MCTP1: variants seen among roughly 807,000 people sequenced by gnomAD.
The protein encoded by MCTP1 is multiple C2 and transmembrane domain-containing protein 1.
MCTP1 carries 69 observed loss-of-function variants against 120.6 expected under a neutral mutation model. The observed-to-expected ratio is 0.57, with a 90% CI of 0.47 to 0.70. The LOEUF (loss-of-function observed/expected upper bound fraction) is 0.70, where lower values mean the gene tolerates loss of function less well. Ranked by LOEUF, MCTP1 falls within the 30% of genes least tolerant of loss-of-function variation. The probability of loss-of-function intolerance (pLI) is 0.00; values close to 1 mark genes in which losing one functional copy is unlikely to be tolerated. For missense variants in MCTP1, 1,203 were observed against 1,248.8 expected (o/e 0.96, Z 0.55); for synonymous variants, 529 against 493.1 (o/e 1.07, Z -0.96).
chr5:94,779,389 G>A (rs900849118), intron 18 of MCTP1, among the ~76,000 whole-genome samples: 1 of 152,152 alleles, frequency 6.6e-6, no homozygotes, highest in Non-Finnish European at 1.5e-5. Context: ...GAAATGTTTT[G>A]TGACAACCTA....
chr5:94,708,386 T>C (rs1755432985), intron 22 of MCTP1, 126 bp downstream of exon 22: 1 of 582,590 alleles, frequency 1.7e-6, no homozygotes, highest in Admixed American at 3.1e-5. Flanking sequence ...TAAAATCTGC[T>C]ACACAGGCTT....
Position 94,873,130 on chromosome 5 carries a change from C to T in MCTP1, c.2036+9G>A, listed in dbSNP as rs1364815794. The T allele has an allele frequency of 6.8e-7, 1 of 1,475,030 alleles. No homozygotes were observed. The highest frequency in any genetic ancestry group is 9.5e-7 in the Non-Finnish European group (1 of 1,056,206). The allele number at this position is 1,475,030 out of a possible 1,614,324, so 91.4% of individuals were successfully genotyped here. Reference sequence around the variant, plus strand: ...TTTGGATTCAGAGCCCAAAGAAATGCCTACTTACAACGTGAAGACTTTATT... The same window carrying T: ...TTTGGATTCAGAGCCCAAAGAAATGTCTACTTACAACGTGAAGACTTTATT... On this transcript the variant is annotated intron_variant, in intron 13 of 22. Transcript: ENST00000515393.
chr5:95,030,140 T>C lies in MCTP1; in HGVS notation c.721-12656A>G, dbSNP rs1840009915. Among the ~76,000 whole-genome samples, 2 of 152,142 alleles carry C rather than the reference T, an allele frequency of 1.3e-5. 1 individual carries two copies. Among genetic ancestry groups the C allele is most frequent in the African/African-American group, 4.8e-5 (2 of 41,424 alleles). ...AGTGGGGAACCAAAGGACAAAGTCT[T>C]TGTGAACCGGAAGTCATGAACCCTG... On this transcript the variant is annotated intron_variant, in intron 1 of 22. Coordinates refer to ENST00000515393, the MANE Select transcript of MCTP1 (RefSeq NM_024717.7).
chr5:94,899,249 A>C (rs887855831), intron 10 of MCTP1, among the ~76,000 whole-genome samples: 1 of 152,198 alleles, frequency 6.6e-6, no homozygotes, highest in African/African-American at 2.4e-5. Context: ...CTTACATGAC[A>C]CAGCTTATAT....
At chr5:95,195,615 A>C (rs757423430) in intron 1 of MCTP1, among the ~76,000 whole-genome samples, 3 of 152,168 alleles carry the variant, frequency 2.0e-5, no homozygotes, top group Non-Finnish European at 4.4e-5. Flanking sequence ...TTTGACAGCC[A>C]GTCACCATAA....
At chr5:94,708,019 T>C (rs78398991) in intron 22 of MCTP1, among the ~76,000 whole-genome samples, 7,465 of 151,616 alleles carry the variant, frequency 0.049, 399 homozygotes, top group East Asian at 0.29. Context: ...CAGCTGATGG[T>C]TAATGGGCAT....
chr5:94,879,827 CCT>C (rs1430067610), intron 12 of MCTP1, among the ~76,000 whole-genome samples: 1 of 152,004 alleles, frequency 6.6e-6, no homozygotes, highest in Non-Finnish European at 1.5e-5. Context: ...TGAACCACAC[CCT>C]GAGACCCAAA....
At chr5:95,217,974 T>C (rs1218924804) in intron 1 of MCTP1, among the ~76,000 whole-genome samples, 1 of 152,182 alleles carries the variant, frequency 6.6e-6, no homozygotes, top group African/African-American at 2.4e-5. Flanking sequence ...TGCAGGAATT[T>C]CAGGAAAGAC....
At chr5:94,739,204 C>T (rs190668751) in intron 19 of MCTP1, 14 of 152,298 alleles carry the variant, frequency 9.2e-5, no homozygotes, top group East Asian at 3.9e-4. Flanking sequence ...AGGTCACTAT[C>T]GATCTTCAAA....
chr5:94,710,704 A>G, intron 21 of MCTP1, 114 bp downstream of exon 21: 1 of 638,338 alleles, frequency 1.6e-6, no homozygotes, highest in South Asian at 2.2e-5. Context: ...TTCATCATGG[A>G]GTAGCTTCAT....
At chr5:95,245,945 C>T (rs1421094429) in intron 1 of MCTP1, among the ~76,000 whole-genome samples, 1 of 152,128 alleles carries the variant, frequency 6.6e-6, no homozygotes, top group Non-Finnish European at 1.5e-5. Context: ...GTCGGGTTAC[C>T]CACAAAGGGA....
At chr5:95,212,932 C>T (rs1257298310) in intron 1 of MCTP1, among the ~76,000 whole-genome samples, 1 of 152,180 alleles carries the variant, frequency 6.6e-6, no homozygotes, top group Non-Finnish European at 1.5e-5. Context: ...AAACTGGAAG[C>T]ATTCCCTTTG....
chr5:95,105,053 AG>A (rs2152378856), intron 1 of MCTP1, among the ~76,000 whole-genome samples: 1 of 152,326 alleles, frequency 6.6e-6, no homozygotes, highest in African/African-American at 2.4e-5. Context: ...GTTTCCTAAA[AG>A]TAGGCCTATA....
intron 2 of MCTP1, among the ~76,000 whole-genome samples, chr5:94,970,984 G>C (rs1371754288): frequency 2.0e-5 from 3 of 151,614 alleles, no homozygotes; most frequent in African/African-American, 7.3e-5. Context: ...GGTCACACTG[G>C]GTATTATTAA....
At chr5:94,767,022 C>T (rs574632704) in intron 19 of MCTP1, among the ~76,000 whole-genome samples, 1 of 152,058 alleles carries the variant, frequency 6.6e-6, no homozygotes, top group Non-Finnish European at 1.5e-5. Context: ...AAATCCCCAA[C>T]AAAAATACTA....
intron 1 of MCTP1, among the ~76,000 whole-genome samples, chr5:95,176,636 C>A (rs893808925): frequency 2.0e-5 from 3 of 152,026 alleles, no homozygotes; most frequent in Admixed American, 6.6e-5. Flanking sequence ...TTTTGTGAGT[C>A]CGGGAGTTTG....
At position 95,284,435 on chromosome 5, in the gene MCTP1, C is replaced by T; in HGVS notation, c.141G>A (p.Glu47=). 1 of 1,541,568 alleles carries T rather than the reference C, an allele frequency of 6.5e-7. No individual in the cohort carries two copies. Among genetic ancestry groups the T allele is most frequent in the Non-Finnish European group, 8.7e-7 (1 of 1,152,424 alleles). The change falls in exon 1 of 23, where the codon GAG becomes GAA. Residue 47 remains glutamate (E), a synonymous_variant. Transcript: ENST00000515393. This position sits in a 1 kb window ranked among gnomAD's most constrained non-coding sequence, Gnocchi z 5.2. ...GCGACGGGGTGTCCGCAGTGCGGCG[C>T]TCTGGACCCCCAGCGCGCCCGCCCC... ...GGGGGRAGGP[E]RRTADTPSPS...
intron 17 of MCTP1, among the ~76,000 whole-genome samples, chr5:94,860,474 C>T (rs777320489): frequency 5.3e-5 from 8 of 151,580 alleles, no homozygotes; most frequent in Non-Finnish European, 7.4e-5. Flanking sequence ...TAAAATTCTT[C>T]GATCTCTATA....
At chr5:94,733,984 AAAG>A (rs1763665787) in intron 19 of MCTP1, among the ~76,000 whole-genome samples, 1 of 152,046 alleles carries the variant, frequency 6.6e-6, no homozygotes, top group South Asian at 2.1e-4. Flanking sequence ...AAAGAAAAGA[AAAG>A]AAAAAGGAAA....
Sources: gnomAD v4.1 joint callset for allele counts (sites outside exome capture counted in the v4.1 genomes callset) on GRCh38, gnomAD v4.1.1 for gene constraint, Gnocchi (gnomAD v3.1) non-coding constraint, MANE v1.5 for transcripts, NCBI Gene and HGNC (gene_info 2026-07-23, HGNC 2026-07-21) for gene names.